The following LDLRAD4 variants were observed in gnomAD, a reference collection of about 807,000 sequenced individuals.
The protein encoded by LDLRAD4 is low-density lipoprotein receptor class A domain-containing protein 4.
Under a neutral mutation model 17.0 loss-of-function variants are expected in LDLRAD4, and 5 were observed. The observed-to-expected ratio is 0.29, with a 90% CI of 0.15 to 0.62. The LOEUF (loss-of-function observed/expected upper bound fraction) is 0.62. LDLRAD4 is among the 20% of genes least tolerant of loss of function. The pLI is 0.84. For synonymous variants in LDLRAD4, 168 were observed against 171.8 expected, an observed-to-expected ratio of 0.98 and a Z score of 0.17; for missense variants, 340 against 424.7, an observed-to-expected ratio of 0.80 and a Z score of 1.75.
chr18:13,439,357 A>G (rs1322867465), intron 3 of LDLRAD4, among the ~76,000 whole-genome samples: 4 of 152,268 alleles, frequency 2.6e-5, no homozygotes, highest in Admixed American at 6.5e-5. Flanking sequence ...TATGTCCCCA[A>G]TATAAAAATG....
At chr18:13,242,560 C>T (rs2042717189) in intron 1 of LDLRAD4, among the ~76,000 whole-genome samples, 1 of 151,942 alleles carries the variant, frequency 6.6e-6, no homozygotes, top group African/African-American at 2.4e-5. Context: ...CCCATGTAGT[C>T]TGTATAGTAT....
At chr18:13,386,327 TAAAATATCTGA>T (rs1199596327) in intron 1 of LDLRAD4, among the ~76,000 whole-genome samples, 1 of 152,174 alleles carries the variant, frequency 6.6e-6, no homozygotes, top group East Asian at 1.9e-4. Context: ...AATGGAACAT[TAAAATATCTGA>T]AAAACATTTT....
intron 2 of LDLRAD4, among the ~76,000 whole-genome samples, chr18:13,412,436 A>G (rs1435365518): frequency 6.6e-6 from 1 of 152,214 alleles, no homozygotes. Context: ...AAGTATTATC[A>G]TAAGGTTCCA....
intron 3 of LDLRAD4, among the ~76,000 whole-genome samples, chr18:13,460,646 A>T (rs1034203217): frequency 4.6e-5 from 7 of 152,228 alleles, no homozygotes; most frequent in African/African-American, 1.7e-4. Flanking sequence ...AGAGAGACCA[A>T]AAAAGGACAA....
At chr18:13,450,043 A>G (rs538016578) in intron 3 of LDLRAD4, among the ~76,000 whole-genome samples, 3 of 152,308 alleles carry the variant, frequency 2.0e-5, no homozygotes, top group Admixed American at 2.0e-4. Context: ...TCGCTCTTCC[A>G]TTTGCATAGG....
intron 3 of LDLRAD4, among the ~76,000 whole-genome samples, chr18:13,570,983 T>A (rs755777477): frequency 2.0e-5 from 3 of 152,126 alleles, no homozygotes; most frequent in Non-Finnish European, 4.4e-5. Flanking sequence ...CATACCTGGC[T>A]AATTTTTAAG....
At chr18:13,228,424 G>T (rs570546332) in intron 1 of LDLRAD4, among the ~76,000 whole-genome samples, 12 of 152,290 alleles carry the variant, frequency 7.9e-5, no homozygotes, top group African/African-American at 2.6e-4. Context: ...GTTACTGGCT[G>T]AGGTGTGCAG....
chr18:13,498,947 TCG>T (rs1389290748), intron 3 of LDLRAD4, among the ~76,000 whole-genome samples: 2 of 143,598 alleles, frequency 1.4e-5, no homozygotes, highest in Non-Finnish European at 1.5e-5. Flanking sequence ...AGAATCCTTC[TCG>T]CCATACATGT....
intron 3 of LDLRAD4, among the ~76,000 whole-genome samples, chr18:13,511,351 A>G (rs1406136909): frequency 3.3e-5 from 5 of 152,072 alleles, no homozygotes; most frequent in Non-Finnish European, 7.4e-5. Context: ...ATCTCTACTA[A>G]AAATACAAAA....
chr18:13,258,594 A>T (rs2043632030), intron 1 of LDLRAD4, among the ~76,000 whole-genome samples: 1 of 152,236 alleles, frequency 6.6e-6, no homozygotes, highest in African/African-American at 2.4e-5. Context: ...ATTGAGTGTG[A>T]ACCAAAGATT....
intron 1 of LDLRAD4, among the ~76,000 whole-genome samples, chr18:13,310,470 C>G (rs2047172167): frequency 6.6e-6 from 1 of 152,174 alleles, no homozygotes; most frequent in African/African-American, 2.4e-5. Context: ...AAAGACAGTC[C>G]TTGCCCTAGA....
chr18:13,511,466 C>T (rs1278301723), intron 3 of LDLRAD4, among the ~76,000 whole-genome samples: 1 of 152,082 alleles, frequency 6.6e-6, no homozygotes, highest in Non-Finnish European at 1.5e-5. Flanking sequence ...GAGCCGAGAT[C>T]GTGCCACTGC....
intron 2 of LDLRAD4, among the ~76,000 whole-genome samples, chr18:13,434,257 T>C (rs1268083260): frequency 6.6e-6 from 1 of 151,912 alleles, no homozygotes; most frequent in African/African-American, 2.4e-5. Flanking sequence ...AGTTTTTTTT[T>C]TTTTTAATAA....
intron 3 of LDLRAD4, among the ~76,000 whole-genome samples, chr18:13,445,795 G>T (rs1469559487): frequency 6.6e-6 from 1 of 151,018 alleles, no homozygotes; most frequent in African/African-American, 2.4e-5. Context: ...TTGAGTCTCT[G>T]GTGCATATGT....
At chr18:13,556,577 TC>T (rs2094486271) in intron 3 of LDLRAD4, among the ~76,000 whole-genome samples, 1 of 152,188 alleles carries the variant, frequency 6.6e-6, no homozygotes, top group East Asian at 1.9e-4. Flanking sequence ...AGAAATAACT[TC>T]TGCCTTAGAG....
chr18:13,496,944 A>C (rs963214784), intron 3 of LDLRAD4, among the ~76,000 whole-genome samples: 2 of 152,252 alleles, frequency 1.3e-5, no homozygotes, highest in Admixed American at 6.5e-5. Flanking sequence ...TTCCCCATTA[A>C]TAACCTTTAA....
In LDLRAD4 at chr18:13,645,190, T is replaced by C. The variant is rs370574188; in HGVS notation, c.454T>C (p.Phe152Leu). 1 of 1,614,086 alleles carries C rather than the reference T, an allele frequency of 6.2e-7. No individual in the cohort carries two copies. The highest frequency in any genetic ancestry group is 8.5e-7 in the Non-Finnish European group (1 of 1,180,010). The change falls in exon 6 of 6, where the codon TTC becomes CTC. Residue 152 changes from phenylalanine (F) to leucine (L), a missense_variant. By Grantham distance (22) the Phe-to-Leu change is conservative. Transcript: ENST00000359446. The surrounding 1 kb of genome is among the most constrained non-coding windows in gnomAD (Gnocchi z 5.7). ...GCCGTCCTTCATCCAGAGGGATCGCTTCAGCCGCTTCCAGCCCACCTACCC... is the reference window on the plus strand; with the variant it reads ...GCCGTCCTTCATCCAGAGGGATCGCCTCAGCCGCTTCCAGCCCACCTACCC...
At chr18:13,589,402 G>T (rs1312338862) in intron 3 of LDLRAD4, among the ~76,000 whole-genome samples, 1 of 152,188 alleles carries the variant, frequency 6.6e-6, no homozygotes, top group African/African-American at 2.4e-5. Context: ...GGCTTCAGCT[G>T]TTCATTTTCG....
At chr18:13,375,674 G>C (rs2084850852) in intron 1 of LDLRAD4, among the ~76,000 whole-genome samples, 1 of 152,234 alleles carries the variant, frequency 6.6e-6, no homozygotes, top group African/African-American at 2.4e-5. Flanking sequence ...AATGCTCTGA[G>C]TGTTCAGTTA....
Sources: allele counts gnomAD v4.1 joint callset (sites outside exome capture counted in the v4.1 genomes callset), GRCh38; gene constraint gnomAD v4.1.1; non-coding constraint Gnocchi (gnomAD v3.1); transcripts MANE v1.5; gene names NCBI Gene and HGNC (gene_info 2026-07-23, HGNC 2026-07-21).